MKLN1: variants seen among roughly 807,000 people sequenced by gnomAD.
MKLN1 encodes muskelin.
A neutral mutation model predicts 99.0 loss-of-function variants in MKLN1; 18 were observed. That is an observed-to-expected ratio of 0.18 (90% confidence interval 0.13 to 0.27). The LOEUF is 0.27. Ranked by LOEUF, MKLN1 falls within the 10% of genes least tolerant of loss-of-function variation. The pLI is 1.00. For missense variants in MKLN1, 621 were observed against 875.9 expected, an observed-to-expected ratio of 0.71 and a Z score of 3.67; for synonymous variants, 288 against 293.2, an observed-to-expected ratio of 0.98 and a Z score of 0.18.
chr7:131,180,240 C>G (rs1296532098), intron 2 of MKLN1, among the ~76,000 whole-genome samples: 1 of 152,112 alleles, frequency 6.6e-6, no homozygotes. Flanking sequence ...TTTCTTGTGT[C>G]TGGCTCCAAA....
chr7:131,322,901 G>C (rs945116499), upstream of MKLN1, among the ~76,000 whole-genome samples: 2 of 151,914 alleles, frequency 1.3e-5, no homozygotes, highest in Admixed American at 1.3e-4. Context: ...ATCACATCTC[G>C]TAAGAACTCC....
intron 6 of MKLN1, among the ~76,000 whole-genome samples, chr7:131,401,311 G>A (rs189645102): frequency 1.1e-4 from 16 of 152,182 alleles, no homozygotes; most frequent in African/African-American, 3.6e-4. Flanking sequence ...TTTTATTAGA[G>A]GTGATTTTGG....
In MKLN1 at chr7:131,489,002, C is replaced by T. The variant is rs981890059; in HGVS notation, c.*1274C>T. 2.6e-5 allele frequency: 4 copies of T among 152,240 alleles called. No individual in the cohort carries two copies. Among genetic ancestry groups the T allele is most frequent in the Admixed American group, 1.3e-4 (2 of 15,270 alleles). 9.4% of individuals were successfully genotyped at this position (152,240 alleles called of 1,614,324 possible). A position where few individuals can be genotyped will look rare whatever the true frequency, so the allele number is the denominator to read the frequency against. On this transcript the variant is annotated 3_prime_UTR_variant, in exon 18 of 18. Coordinates refer to ENST00000352689, the MANE Select transcript of MKLN1 (RefSeq NM_013255.5). The stretch of plus-strand genomic sequence containing the variant: ...CTAGTGCTTACATTTGCTCAAAAAG[C>T]ATGTTGTATGAAGCTGACTGCCACC...
intron 2 of MKLN1, among the ~76,000 whole-genome samples, chr7:131,173,407 T>C (rs1476061684): frequency 1.3e-5 from 2 of 152,122 alleles, no homozygotes; most frequent in Non-Finnish European, 2.9e-5. Flanking sequence ...AGAATGATAA[T>C]GCAAATTAGC....
In MKLN1 at chr7:131,274,775, G is replaced by A. The variant is rs541137226; in HGVS notation, c.-179+71801G>A. On this transcript the variant is annotated intron_variant, in intron 3 of 7. Coordinates refer to the MKLN1 transcript ENST00000416992. ...TAGAGAGACATCTGACACTCACTACGAGAACTTAGGCAAGTTTCTTAACTT... is the reference window on the plus strand; with the variant it reads ...TAGAGAGACATCTGACACTCACTACAAGAACTTAGGCAAGTTTCTTAACTT... Among the ~76,000 whole-genome samples the A allele has an allele frequency of 3.9e-5, 6 of 152,042 alleles. 1 individual carries two copies. In the South Asian group the frequency reaches 8.3e-4, roughly 21 times the overall value.
intron 2 of MKLN1, among the ~76,000 whole-genome samples, chr7:131,181,468 G>A (rs1019225207): frequency 6.6e-6 from 1 of 152,106 alleles, no homozygotes; most frequent in African/African-American, 2.4e-5. Context: ...AGCATTTTGG[G>A]AGGCCAAGGC....
chr7:131,242,985 C>T (rs1256146710), intron 3 of MKLN1: 2 of 618,618 alleles, frequency 3.2e-6, no homozygotes, highest in Non-Finnish European at 6.2e-6. Flanking sequence ...GCGGTTCTTC[C>T]AGAAGCTGCG....
intron 2 of MKLN1, among the ~76,000 whole-genome samples, chr7:131,149,578 A>C (rs1222819351): frequency 6.6e-6 from 1 of 152,252 alleles, no homozygotes; most frequent in East Asian, 1.9e-4. Flanking sequence ...CAAAAGTTGG[A>C]AAATTATTTT....
At chr7:131,268,679 TTGAC>T (rs1797843617) in intron 3 of MKLN1, among the ~76,000 whole-genome samples, 1 of 152,166 alleles carries the variant, frequency 6.6e-6, no homozygotes, top group South Asian at 2.1e-4. Context: ...TCACATGCCT[TTGAC>T]TGAGCTCAGT....
At chr7:131,151,021 T>C (rs1044987240) in intron 2 of MKLN1, among the ~76,000 whole-genome samples, 1 of 152,222 alleles carries the variant, frequency 6.6e-6, no homozygotes, top group Non-Finnish European at 1.5e-5. Context: ...TTTTTCATAA[T>C]TGAATGATAA....
At chr7:131,298,358 A>G (rs1194887998) in intron 3 of MKLN1, among the ~76,000 whole-genome samples, 1 of 152,074 alleles carries the variant, frequency 6.6e-6, no homozygotes, top group East Asian at 1.9e-4. Flanking sequence ...CTTCCTCTTT[A>G]CAAATGCATC....
rs543136487 is a variant in MKLN1 at position 131,142,916 on chromosome 7, C to G, written c.-322C>G. 2.3e-5 allele frequency: 30 copies of G among 1,305,128 alleles called. No individual in the cohort carries two copies. In the African/African-American group the frequency reaches 3.0e-4, roughly 13 times the overall value. 80.8% of individuals were successfully genotyped at this position (1,305,128 alleles called of 1,614,324 possible). A position where few individuals can be genotyped will look rare whatever the true frequency, so the allele number is the denominator to read the frequency against. On this transcript the variant is annotated 5_prime_UTR_variant, in exon 2 of 8. Transcript: ENST00000416992. ...TATTGGATTCATAACCTGCTCCATG[C>G]TTGAAAACATGGGGATTGGAATTCG...
chr7:131,275,551 ATATATATATATATATATTT>A (rs1237127760), intron 3 of MKLN1, among the ~76,000 whole-genome samples: 12 of 15,386 alleles, frequency 7.8e-4, no homozygotes, highest in African/African-American at 1.1e-3. Context: ...ATATATATAT[ATATATATATATATATATTT>A]TTTTTTTTTT....
At chr7:131,240,657 C>T (rs1797389201) in intron 3 of MKLN1, among the ~76,000 whole-genome samples, 1 of 152,176 alleles carries the variant, frequency 6.6e-6, no homozygotes, top group Admixed American at 6.5e-5. Context: ...CTTCACTCTA[C>T]TAATTTGTCC....
intron 2 of MKLN1, among the ~76,000 whole-genome samples, chr7:131,191,213 G>T (rs1796536443): frequency 6.6e-6 from 1 of 152,264 alleles, no homozygotes; most frequent in African/African-American, 2.4e-5. Context: ...TTTCTGGAGA[G>T]ATGCTCCACG....
chr7:131,242,783 G>A, intron 3 of MKLN1: 4 of 687,504 alleles, frequency 5.8e-6, no homozygotes, highest in South Asian at 5.5e-5. Flanking sequence ...AGATCTCTAA[G>A]AGGTCAAAGA....
chr7:131,280,283 A>G (rs80199540), intron 3 of MKLN1, among the ~76,000 whole-genome samples: 8,937 of 152,272 alleles, frequency 0.059, 352 homozygotes, highest in East Asian at 0.16. Context: ...ACAGGTTTCC[A>G]TGTGGACATA....
At chr7:131,381,622 C>T (rs1347316239) in intron 2 of MKLN1, among the ~76,000 whole-genome samples, 1 of 152,196 alleles carries the variant, frequency 6.6e-6, no homozygotes, top group Non-Finnish European at 1.5e-5. Flanking sequence ...GACCTCATCA[C>T]TACCACCACC....
rs150789913 is a variant in MKLN1 at position 131,413,938 on chromosome 7, A to G, written c.782-707A>G. On this transcript the variant is annotated intron_variant, in intron 7 of 17. Transcript: ENST00000352689. ...GTTTAAATAAAGTTTTACTGATTGT[A>G]TTTAAACCTGCCTATTAAGCTCTGT... Among the ~76,000 whole-genome samples the G allele has an allele frequency of 3.3e-5, 5 of 152,322 alleles. No individual in the cohort carries two copies. In the East Asian group the frequency reaches 9.6e-4, roughly 29 times the overall value.
Sources: gnomAD v4.1 joint callset for allele counts (sites outside exome capture counted in the v4.1 genomes callset) on GRCh38, gnomAD v4.1.1 for gene constraint, MANE v1.5 for transcripts, NCBI Gene and HGNC (gene_info 2026-07-23, HGNC 2026-07-21) for gene names.